Variants in PLEKHG5 observed in about 807,000 individuals in gnomAD.
The protein encoded by PLEKHG5 is pleckstrin homology and RhoGEF domain containing G5.
A neutral mutation model predicts 103.8 loss-of-function variants in PLEKHG5; 52 were observed. The observed-to-expected ratio is 0.50, with a 90% CI of 0.40 to 0.63. The LOEUF (loss-of-function observed/expected upper bound fraction) is 0.63, where lower values mean the gene tolerates loss of function less well. Ranked by LOEUF, PLEKHG5 falls within the 30% of genes least tolerant of loss-of-function variation. PLEKHG5 has a pLI of 0.00. For missense variants in PLEKHG5, 1,205 were observed against 1,347.6 expected, an observed-to-expected ratio of 0.89 and a Z score of 1.66; for synonymous variants, 592 against 575.5, an observed-to-expected ratio of 1.03 and a Z score of -0.41.
At chr1:6,471,719 T>C (rs541954178) in intron 11 of PLEKHG5, 39 bp downstream of exon 11, 2 of 1,595,058 alleles carry the variant, frequency 1.3e-6, no homozygotes, top group African/African-American at 1.3e-5. Flanking sequence ...CCCTCCTTCC[T>C]GGTACCTCAC....
chr1:6,481,901 T>C (rs535080225), intron 1 of PLEKHG5, among the ~76,000 whole-genome samples: 1 of 151,358 alleles, frequency 6.6e-6, no homozygotes, highest in Non-Finnish European at 1.5e-5. Context: ...GGTTAGGGTT[T>C]TCAGTCTTTT....
chr1:6,474,196 A>G (rs1198652221), intron 6 of PLEKHG5, 32 bp from the exon 7 acceptor site: 1 of 1,611,580 alleles, frequency 6.2e-7, no homozygotes, highest in Non-Finnish European at 8.5e-7. Flanking sequence ...GATCCTCAGT[A>G]CCCTGGTCTG....
intron 1 of PLEKHG5, among the ~76,000 whole-genome samples, chr1:6,488,763 C>T (rs1645087539): frequency 6.6e-6 from 1 of 152,148 alleles, no homozygotes; most frequent in Non-Finnish European, 1.5e-5. Context: ...TGGCCCCCAA[C>T]TCCCTGGGGA....
Position 6,505,347 on chromosome 1 carries a change from C to T in PLEKHG5, c.-164-8778G>A, listed in dbSNP as rs1031341633. 1.3e-5 allele frequency among the ~76,000 whole-genome samples: 2 copies of T among 151,990 alleles called. No individual in the cohort carries two copies. Among genetic ancestry groups the T allele is most frequent in the Non-Finnish European group, 2.9e-5 (2 of 67,982 alleles). ...GAGCTGAGCGGACAGAATGGGCATC[C>T]GACAGCCAGCACAGGTGCGCCCTGC... On this transcript the variant is annotated intron_variant, in intron 1 of 21. Transcript: ENST00000377740. The surrounding 1 kb of genome is among the most constrained non-coding windows in gnomAD (Gnocchi z 4.2).
chr1:6,477,674 A>G lies in PLEKHG5; in HGVS notation c.-87-16T>C. 1 of 1,599,548 alleles carries G rather than the reference A, an allele frequency of 6.3e-7. No individual in the cohort carries two copies. Among genetic ancestry groups the G allele is most frequent in the Non-Finnish European group, 8.5e-7 (1 of 1,179,624 alleles). ...GGTGACATACCTGGGGTGGGGACAG[A>G]AGCCTTCAGGAGGTCCACGAGATCC... On this transcript the variant is annotated splice_polypyrimidine_tract_variant and intron_variant, in intron 1 of 20. Transcript: ENST00000377728.
chr1:6,470,899 T>C lies in PLEKHG5; in HGVS notation c.1393-15A>G. 7.1e-7 allele frequency: 1 copy of C among 1,405,014 alleles called. No individual in the cohort carries two copies. The highest frequency in any genetic ancestry group is 9.2e-7 in the Non-Finnish European group (1 of 1,081,892). The allele number at this position is 1,405,014 out of a possible 1,614,324, so 87.0% of individuals were successfully genotyped here. ...TTCTCCGCCCACTGCGGTGGGGGAG[T>C]GGGGGCGGGCTCAGGGCAGGCCCCG... On this transcript the variant is annotated splice_polypyrimidine_tract_variant and intron_variant, in intron 13 of 20. Transcript: ENST00000377728.
intron 10 of PLEKHG5, 79 bp from the exon 11 acceptor site, chr1:6,471,887 T>G: frequency 7.3e-7 from 1 of 1,372,530 alleles, no homozygotes; most frequent in Non-Finnish European, 1.0e-6. Context: ...CAGGCTCCCC[T>G]GCCACTCCTT....
intron 1 of PLEKHG5, chr1:6,485,898 C>T (rs1345059346): frequency 2.0e-6 from 2 of 986,422 alleles, no homozygotes; most frequent in Non-Finnish European, 2.4e-6. Flanking sequence ...ACACCAATGC[C>T]GGGCTCAGAG....
chr1:6,497,129 G>C (rs1371346481), upstream of PLEKHG5: 3 of 1,182,534 alleles, frequency 2.5e-6, no homozygotes, highest in Non-Finnish European at 2.4e-6. This position sits in a 1 kb window ranked among gnomAD's most constrained non-coding sequence, Gnocchi z 6.1. Context: ...CGAGAGGCGG[G>C]GGGAGGGAGG....
upstream of PLEKHG5, among the ~76,000 whole-genome samples, chr1:6,491,873 T>C (rs1645155714): frequency 6.6e-6 from 1 of 152,198 alleles, no homozygotes; most frequent in African/African-American, 2.4e-5. The surrounding 1 kb of genome is among the most constrained non-coding windows in gnomAD (Gnocchi z 4.1). Flanking sequence ...GATGGGGTGC[T>C]CACTACCTCC....
chr1:6,516,889 C>CATATAT (rs777665034), intron 1 of PLEKHG5, among the ~76,000 whole-genome samples: 2 of 37,806 alleles, frequency 5.3e-5, no homozygotes, highest in East Asian at 9.7e-4. Context: ...TATATATACA[C>CATATAT]ATATATATAT....
intron 1 of PLEKHG5, among the ~76,000 whole-genome samples, chr1:6,482,939 C>T (rs1569926804): frequency 6.6e-6 from 1 of 152,178 alleles, no homozygotes; most frequent in East Asian, 1.9e-4. Context: ...GAACACCTGC[C>T]CTCAGGTGAT....
Position 6,470,800 on chromosome 1 carries a change from G to C in PLEKHG5, c.1477C>G (p.Leu493Val). ...TTCCTCAGCACCGACTTGAGCAGCA[G>C]CGGGTACTTGGTGAGCCGCTGGTGG... ...KPHQRLTKYP[L>V]LLKSVLRKTE... Residue 493 changes from leucine (L) to valine (V), a missense_variant, in exon 14 of 21, where the codon CTG becomes GTG. Physicochemically the swap from Leu to Val is conservative, Grantham distance 32 (BLOSUM62 1). Coordinates refer to ENST00000377728, the MANE Select transcript of PLEKHG5 (RefSeq NM_020631.6). 1 of 1,575,414 alleles carries C rather than the reference G, an allele frequency of 6.3e-7. No individual in the cohort carries two copies. The highest frequency in any genetic ancestry group is 8.6e-7 in the Non-Finnish European group (1 of 1,161,116).
At chr1:6,472,661 A>G (rs773969585) in intron 9 of PLEKHG5, 39 bp from the exon 10 acceptor site, 1 of 1,489,422 alleles carries the variant, frequency 6.7e-7, no homozygotes, top group South Asian at 1.2e-5. Context: ...CGAGGCCTGG[A>G]GCACCTTAGG....
chr1:6,487,059 A>T lies in PLEKHG5; in HGVS notation c.-88+4578T>A, dbSNP rs1055828092. ...CTGGGAGACTTCCAGGGCTGTCTCCACTCCCAAAGCCCAGGTCACCCACTG... is the reference window on the plus strand; with the variant it reads ...CTGGGAGACTTCCAGGGCTGTCTCCTCTCCCAAAGCCCAGGTCACCCACTG... On this transcript the variant is annotated intron_variant, in intron 1 of 20. Coordinates refer to ENST00000377728, the MANE Select transcript of PLEKHG5 (RefSeq NM_020631.6). The surrounding 1 kb of genome is among the most constrained non-coding windows in gnomAD (Gnocchi z 4.1). 2.0e-5 allele frequency among the ~76,000 whole-genome samples: 3 copies of T among 151,618 alleles called. No individual in the cohort carries two copies. Among genetic ancestry groups the T allele is most frequent in the Non-Finnish European group, 4.4e-5 (3 of 67,914 alleles).
intron 1 of PLEKHG5, among the ~76,000 whole-genome samples, chr1:6,504,560 CTCTTTTTTTT>C (rs996414367): frequency 2.8e-5 from 4 of 143,454 alleles, no homozygotes; most frequent in Non-Finnish European, 4.5e-5. Context: ...CTTCCCTTCT[CTCTTTTTTTT>C]TCTTTTTTTT....
chr1:6,492,544 A>G (rs1333555998), upstream of PLEKHG5, among the ~76,000 whole-genome samples: 1 of 152,154 alleles, frequency 6.6e-6, no homozygotes, highest in Admixed American at 6.5e-5. Context: ...ATCCCAGGGC[A>G]GGTACGGAGG....
intron 1 of PLEKHG5, among the ~76,000 whole-genome samples, chr1:6,510,664 G>A (rs1638447470): frequency 6.6e-6 from 1 of 152,242 alleles, no homozygotes; most frequent in African/African-American, 2.4e-5. Flanking sequence ...ACCTGATAGT[G>A]ACCCTGGGGG....
chr1:6,496,423 G>T, upstream of PLEKHG5: 1 of 1,198,188 alleles, frequency 8.3e-7, no homozygotes, highest in Non-Finnish European at 1.2e-6. Context: ...GCTGGTGCTG[G>T]GATAGAAAGG....
Sources: gnomAD v4.1 joint callset for allele counts (sites outside exome capture counted in the v4.1 genomes callset) on GRCh38, gnomAD v4.1.1 for gene constraint, Gnocchi (gnomAD v3.1) non-coding constraint, MANE v1.5 for transcripts, NCBI Gene and HGNC (gene_info 2026-07-23, HGNC 2026-07-21) for gene names.